CBLN2: variants seen among roughly 807,000 people sequenced by gnomAD.
The protein encoded by CBLN2 is cerebellin-2.
In CBLN2, 7 loss-of-function variants were observed where a neutral mutation model predicts 15.0. The ratio of observed to expected loss-of-function variants is 0.47; its 90% CI spans 0.27 to 0.88. The LOEUF is 0.88. CBLN2 is among the 40% of genes least tolerant of loss of function. The probability of loss-of-function intolerance (pLI) is 0.14; values close to 1 mark genes in which losing one functional copy is unlikely to be tolerated. For synonymous variants in CBLN2, 149 were observed against 135.2 expected, an observed-to-expected ratio of 1.10 and a Z score of -0.71; for missense variants, 242 against 304.5, an observed-to-expected ratio of 0.79 and a Z score of 1.53.
chr18:72,554,801 A>G (rs1426768694), intron 1 of CBLN2, among the ~76,000 whole-genome samples: 3 of 151,786 alleles, frequency 2.0e-5, no homozygotes. Flanking sequence ...TACCATTGCA[A>G]CCCCTGTTCA....
At chr18:72,604,874 A>G (rs2144947050) in intron 1 of CBLN2, among the ~76,000 whole-genome samples, 1 of 152,366 alleles carries the variant, frequency 6.6e-6, no homozygotes, top group African/African-American at 2.4e-5. Flanking sequence ...GTAAGCAACC[A>G]AAAATGGACT....
At chr18:72,545,207 G>A (rs2069149842), upstream of CBLN2, among the ~76,000 whole-genome samples, 1 of 152,114 alleles carries the variant, frequency 6.6e-6, no homozygotes, top group Non-Finnish European at 1.5e-5. Context: ...AACTGCCAAG[G>A]CATCATCTCT....
intron 1 of CBLN2, among the ~76,000 whole-genome samples, chr18:72,632,870 A>G (rs1444329040): frequency 1.3e-5 from 2 of 152,330 alleles, no homozygotes; most frequent in East Asian, 1.9e-4. Context: ...AGCTGGATCT[A>G]CAGGATAGGA....
chr18:72,551,798 G>T (rs147159205), intron 1 of CBLN2, among the ~76,000 whole-genome samples: 4 of 152,112 alleles, frequency 2.6e-5, no homozygotes, highest in Non-Finnish European at 5.9e-5. Flanking sequence ...TAATTAGCAC[G>T]GCTTAATATT....
intron 1 of CBLN2, among the ~76,000 whole-genome samples, chr18:72,552,237 C>A (rs1203784619): frequency 1.3e-5 from 2 of 151,894 alleles, no homozygotes; most frequent in Non-Finnish European, 2.9e-5. Flanking sequence ...GCATGCACCA[C>A]CAAGCCCAGC....
intron 1 of CBLN2, among the ~76,000 whole-genome samples, chr18:72,578,806 A>C (rs1039366049): frequency 6.6e-6 from 1 of 152,206 alleles, no homozygotes; most frequent in Admixed American, 6.5e-5. Context: ...GTTTAAGAAA[A>C]ACATGCTTTT....
chr18:72,548,009 G>A (rs1281232744), upstream of CBLN2, among the ~76,000 whole-genome samples: 3 of 152,168 alleles, frequency 2.0e-5, no homozygotes, highest in African/African-American at 4.8e-5. Flanking sequence ...CATAGGGTAC[G>A]ATGAATTAAA....
chr18:72,553,386 A>C (rs1379299263), intron 1 of CBLN2, among the ~76,000 whole-genome samples: 1 of 152,178 alleles, frequency 6.6e-6, no homozygotes, highest in Non-Finnish European at 1.5e-5. Flanking sequence ...TAAACAGAAA[A>C]TAAGAAATAT....
At chr18:72,571,901 T>G (rs1473712695) in intron 1 of CBLN2, among the ~76,000 whole-genome samples, 1 of 152,198 alleles carries the variant, frequency 6.6e-6, no homozygotes, top group Non-Finnish European at 1.5e-5. Flanking sequence ...TCGCAAGATA[T>G]CAAAACCAGG....
chr18:72,625,459 T>C (rs2069729884), intron 1 of CBLN2, among the ~76,000 whole-genome samples: 1 of 151,796 alleles, frequency 6.6e-6, no homozygotes, highest in Non-Finnish European at 1.5e-5. Flanking sequence ...TAAAATTTTA[T>C]CTCTATCCCT....
chr18:72,619,915 G>A (rs1430640995), intron 1 of CBLN2, among the ~76,000 whole-genome samples: 3 of 152,246 alleles, frequency 2.0e-5, no homozygotes, highest in Admixed American at 1.3e-4. Context: ...GCAAGCAAAT[G>A]AGTACAGGAA....
chr18:72,630,436 A>C (rs140137732), intron 1 of CBLN2, among the ~76,000 whole-genome samples: 47 of 151,988 alleles, frequency 3.1e-4, no homozygotes, highest in African/African-American at 1.0e-3. Flanking sequence ...GATGAAGTAA[A>C]CTGTCAATGA....
At chr18:72,611,604 G>A (rs1218292966) in intron 1 of CBLN2, among the ~76,000 whole-genome samples, 2 of 152,012 alleles carry the variant, frequency 1.3e-5, no homozygotes, top group Non-Finnish European at 2.9e-5. Context: ...GTTTTTGCTT[G>A]TTCAATTGCT....
At chr18:72,622,710 G>T (rs2069709265) in intron 1 of CBLN2, among the ~76,000 whole-genome samples, 1 of 152,094 alleles carries the variant, frequency 6.6e-6, no homozygotes, top group East Asian at 1.9e-4. Context: ...GCCTTATTTT[G>T]TGATTAAGAA....
intron 1 of CBLN2, among the ~76,000 whole-genome samples, chr18:72,631,972 C>G (rs1028506931): frequency 2.0e-5 from 3 of 151,060 alleles, no homozygotes; most frequent in Non-Finnish European, 3.0e-5. Flanking sequence ...TAAAATTAGA[C>G]TTATCTCCAC....
chr18:72,614,279 C>T (rs2069642717), intron 1 of CBLN2, among the ~76,000 whole-genome samples: 1 of 152,068 alleles, frequency 6.6e-6, no homozygotes, highest in Admixed American at 6.6e-5. Context: ...AATAAATTAA[C>T]CAAATTTCAG....
At chr18:72,538,415 C>G (rs375754712) in intron 4 of CBLN2, 42 bp from the exon 5 acceptor site, 7 of 1,593,674 alleles carry the variant, frequency 4.4e-6, no homozygotes, top group Non-Finnish European at 6.0e-6. Context: ...ATAAAGCACC[C>G]AACTCCCACA....
chr18:72,635,215 G>GT (rs1165271482), intron 1 of CBLN2, among the ~76,000 whole-genome samples: 5 of 152,090 alleles, frequency 3.3e-5, no homozygotes, highest in Admixed American at 1.3e-4. Flanking sequence ...CCCTAATGCA[G>GT]TTTATTCACT....
At chr18:72,621,789 G>C (rs2069702457) in intron 1 of CBLN2, among the ~76,000 whole-genome samples, 1 of 152,296 alleles carries the variant, frequency 6.6e-6, no homozygotes, top group South Asian at 2.1e-4. Context: ...TGTCATGTAT[G>C]TTTGGTTATA....
Sources: allele counts gnomAD v4.1 joint callset (sites outside exome capture counted in the v4.1 genomes callset), GRCh38; gene constraint gnomAD v4.1.1; transcripts MANE v1.5; gene names NCBI Gene and HGNC (gene_info 2026-07-23, HGNC 2026-07-21).